The following PPP1R1C variants were observed in gnomAD, a reference collection of about 807,000 sequenced individuals.
PPP1R1C encodes protein phosphatase 1 regulatory subunit 1C.
Under a neutral mutation model 17.4 loss-of-function variants are expected in PPP1R1C, and 15 were observed. The ratio of observed to expected loss-of-function variants is 0.86; its 90% CI spans 0.58 to 1.33. PPP1R1C has a LOEUF of 1.33. Ranked by LOEUF, PPP1R1C falls within the 40% of genes most tolerant of loss-of-function variation. The pLI, the probability that PPP1R1C is intolerant of heterozygous loss-of-function variation, is 0.00. For missense variants in PPP1R1C, 143 were observed against 130.0 expected (o/e 1.10, Z -0.48); for synonymous variants, 35 against 43.1 (o/e 0.81, Z 0.73).
At chr2:181,991,394 C>A (rs1685469943) in intron 2 of PPP1R1C, among the ~76,000 whole-genome samples, 1 of 152,118 alleles carries the variant, frequency 6.6e-6, no homozygotes, top group Non-Finnish European at 1.5e-5. Context: ...ACTATGTAAA[C>A]AGATACTTAA....
chr2:182,052,380 C>T (rs192140042), intron 2 of PPP1R1C, among the ~76,000 whole-genome samples: 36 of 152,290 alleles, frequency 2.4e-4, no homozygotes, highest in African/African-American at 8.7e-4. Context: ...TTCCTTTCTC[C>T]TGTTAGAGCA....
chr2:182,111,930 T>C (rs956543739), intron 4 of PPP1R1C, among the ~76,000 whole-genome samples: 1 of 152,130 alleles, frequency 6.6e-6, no homozygotes, highest in Non-Finnish European at 1.5e-5. Flanking sequence ...GTTTTTGCGA[T>C]AGGCACCAGG....
At chr2:181,972,911 T>G (rs1685036605) in intron 1 of PPP1R1C, among the ~76,000 whole-genome samples, 1 of 152,202 alleles carries the variant, frequency 6.6e-6, no homozygotes, top group Non-Finnish European at 1.5e-5. Flanking sequence ...GCTAGAAATT[T>G]CATGTTCTTT....
At chr2:182,039,779 T>G (rs1442232691) in intron 2 of PPP1R1C, among the ~76,000 whole-genome samples, 1 of 152,188 alleles carries the variant, frequency 6.6e-6, no homozygotes, top group Non-Finnish European at 1.5e-5. Flanking sequence ...GTACCCAATA[T>G]GTAGTTTTTA....
intron 2 of PPP1R1C, among the ~76,000 whole-genome samples, chr2:182,046,962 A>G (rs1687366068): frequency 6.6e-6 from 1 of 152,098 alleles, no homozygotes; most frequent in Admixed American, 6.5e-5. Context: ...CCTATGTGGA[A>G]AAAAAAAGAA....
At chr2:182,086,204 G>C (rs1688624099) in intron 4 of PPP1R1C, among the ~76,000 whole-genome samples, 1 of 152,052 alleles carries the variant, frequency 6.6e-6, no homozygotes, top group African/African-American at 2.4e-5. Context: ...TATATCAAGA[G>C]CTGTCACAAG....
chr2:182,078,893 G>T (rs752140687), intron 4 of PPP1R1C, among the ~76,000 whole-genome samples: 18 of 152,196 alleles, frequency 1.2e-4, no homozygotes, highest in Non-Finnish European at 2.4e-4. Flanking sequence ...ATGACACAGA[G>T]AATGTCAAAG....
intron 4 of PPP1R1C, among the ~76,000 whole-genome samples, chr2:182,086,323 T>G (rs1212916549): frequency 6.6e-6 from 1 of 152,164 alleles, no homozygotes; most frequent in Admixed American, 6.5e-5. Context: ...AAATCTCATT[T>G]ATAATTGAAA....
chr2:182,065,509 G>T (rs1268511234), intron 4 of PPP1R1C, among the ~76,000 whole-genome samples: 1 of 152,152 alleles, frequency 6.6e-6, no homozygotes, highest in African/African-American at 2.4e-5. Flanking sequence ...CAATTGCTCT[G>T]AAATGTATAA....
rs573864048 is a variant in PPP1R1C, at chr2:182,090,766, C to G, written c.242-26441C>G. Among the ~76,000 whole-genome samples, 8 of 152,108 alleles carry G rather than the reference C, an allele frequency of 5.3e-5. No homozygotes were observed. In the East Asian group the frequency reaches 1.5e-3, roughly 29 times the overall value. ...ATAACTAGTAAGTTTTCCAAAACATCTAAAGTTTCAAACAAAAACTTTTAA... is the reference window on the plus strand; with the variant it reads ...ATAACTAGTAAGTTTTCCAAAACATGTAAAGTTTCAAACAAAAACTTTTAA... On this transcript the variant is annotated intron_variant, in intron 4 of 4. Transcript: ENST00000682840.
chr2:182,083,585 G>A (rs1688542781), intron 4 of PPP1R1C, among the ~76,000 whole-genome samples: 1 of 152,124 alleles, frequency 6.6e-6, no homozygotes, highest in Non-Finnish European at 1.5e-5. Context: ...TGTTGCAAAG[G>A]ATATTTTTTT....
At chr2:182,010,453 G>C (rs1215106964) in intron 2 of PPP1R1C, among the ~76,000 whole-genome samples, 1 of 151,982 alleles carries the variant, frequency 6.6e-6, no homozygotes, top group Non-Finnish European at 1.5e-5. Flanking sequence ...AAATGCTACT[G>C]ATGTTTGTAT....
intron 2 of PPP1R1C, among the ~76,000 whole-genome samples, chr2:182,051,572 C>A (rs886127886): frequency 1.3e-5 from 2 of 152,072 alleles, no homozygotes; most frequent in Non-Finnish European, 2.9e-5. Context: ...ACTTACATGG[C>A]CTCTATTTTT....
chr2:182,077,635 G>A (rs1399822969), intron 4 of PPP1R1C, among the ~76,000 whole-genome samples: 1 of 152,152 alleles, frequency 6.6e-6, no homozygotes, highest in Admixed American at 6.5e-5. Context: ...AGTGTGTGCT[G>A]TATAAATAAT....
At chr2:182,060,331 G>C (rs1449701396) in intron 2 of PPP1R1C, among the ~76,000 whole-genome samples, 7 of 151,998 alleles carry the variant, frequency 4.6e-5, no homozygotes, top group Non-Finnish European at 8.8e-5. Flanking sequence ...TGGATTTATA[G>C]AGAAATTCTA....
intron 1 of PPP1R1C, among the ~76,000 whole-genome samples, chr2:181,970,932 G>A (rs1036150099): frequency 1.3e-5 from 2 of 152,102 alleles, no homozygotes; most frequent in Admixed American, 1.3e-4. Flanking sequence ...TCAGCTCATG[G>A]TGAATGCTGC....
chr2:182,054,574 T>G (rs1176412376), intron 2 of PPP1R1C, among the ~76,000 whole-genome samples: 1 of 152,166 alleles, frequency 6.6e-6, no homozygotes, highest in African/African-American at 2.4e-5. Flanking sequence ...ATTGGCTTTT[T>G]TTTTTCACTC....
intron 4 of PPP1R1C, among the ~76,000 whole-genome samples, chr2:182,075,433 T>A (rs1482666083): frequency 6.6e-6 from 1 of 152,202 alleles, no homozygotes; most frequent in Non-Finnish European, 1.5e-5. Flanking sequence ...TTACTAAATA[T>A]TTAATTCTTA....
rs369924364 is a variant in PPP1R1C at position 182,045,831 on chromosome 2, G to A, written c.143-15611G>A. On this transcript the variant is annotated intron_variant, in intron 2 of 4. Transcript: ENST00000682840. ...TAAAATAAGAATATGACTTAAATGA[G>A]CAATTCTGTGATTTGGCAATTTGAT... is the stretch of plus-strand genomic sequence containing the variant. Among the ~76,000 whole-genome samples, 3 of 151,994 alleles carry A rather than the reference G, an allele frequency of 2.0e-5. No individual in the cohort carries two copies. In the East Asian group the frequency reaches 5.8e-4, roughly 29 times the overall value.
Sources: allele counts gnomAD v4.1 joint callset (sites outside exome capture counted in the v4.1 genomes callset), GRCh38; gene constraint gnomAD v4.1.1; transcripts MANE v1.5; gene names NCBI Gene and HGNC (gene_info 2026-07-23, HGNC 2026-07-21).